The following SLC16A8 variants were observed in gnomAD, a reference collection of about 807,000 sequenced individuals.
SLC16A8 encodes the protein monocarboxylate transporter 3.
A neutral mutation model predicts 22.4 loss-of-function variants in SLC16A8; 20 were observed. The observed-to-expected ratio is 0.89, with a 90% CI of 0.63 to 1.30. SLC16A8 has a LOEUF of 1.30. Ranked by LOEUF, SLC16A8 falls within the 50% of genes most tolerant of loss-of-function variation. The pLI is 0.00. For synonymous variants in SLC16A8, 393 were observed against 358.8 expected (o/e 1.10, Z -1.08); for missense variants, 817 against 740.3 (o/e 1.10, Z -1.20).
Position 38,083,042 on chromosome 22 carries a change from C to T in SLC16A8, c.-9G>A, listed in dbSNP as rs1019481649. On this transcript the variant is annotated splice_region_variant and 5_prime_UTR_variant, in exon 2 of 6. Transcript: ENST00000681075. ...GGGGAAACGGAGGTAGGACTCTCAC[C>T]CCAAGTCTCCTTCTCCTGCAAAGGG... 5 of 597,274 alleles carry T rather than the reference C, an allele frequency of 8.4e-6. No individual in the cohort carries two copies. The African/African-American group carries it at 9.3e-5, about 11-fold the overall frequency. The allele number at this position is 597,274 out of a possible 1,614,324, so 37.0% of individuals were successfully genotyped here.
At position 38,082,850 on chromosome 22, in the gene SLC16A8, C is replaced by T. The variant is rs1178287529; in HGVS notation, c.24G>A (p.Arg8=). Residue 8 remains arginine, a synonymous_variant, in exon 3 of 6, where the codon CGG becomes CGA. Coordinates refer to ENST00000681075, the MANE Select transcript of SLC16A8 (RefSeq NM_013356.3). ...AGCCGCCGTCTGGGGGGCCCTCGCCCCGCCGGGGGCCGCCAGCGCCCATCG... is the reference window on the plus strand; with the variant it reads ...AGCCGCCGTCTGGGGGGCCCTCGCCTCGCCGGGGGCCGCCAGCGCCCATCG... MGAGGPR[R]GEGPPDGGWG... The T allele has an allele frequency of 6.4e-7, 1 of 1,551,250 alleles. No homozygotes were observed. The highest frequency in any genetic ancestry group is 2.3e-5 in the East Asian group (1 of 42,864).
chr22:38,081,204 G>C lies in SLC16A8; in HGVS notation c.834C>G (p.Ala278=), dbSNP rs985443800. 6.4e-7 allele frequency: 1 copy of C among 1,567,782 alleles called. No homozygotes were observed. Among genetic ancestry groups the C allele is most frequent in the Non-Finnish European group, 8.6e-7 (1 of 1,157,090 alleles). ...CGGTGTCGGGCACGCCCGCGTCCTT[G>C]GCGTAGTTCACCAGCAGGATGGCGG... is the stretch of plus-strand genomic sequence containing the variant. ...FVPAILLVNY[A]KDAGVPDTDA... is the part of the protein sequence containing the mutation. The change falls in exon 5 of 6, where the codon GCC becomes GCG. Residue 278 remains alanine, a synonymous_variant. Coordinates refer to ENST00000681075, the MANE Select transcript of SLC16A8 (RefSeq NM_013356.3).
rs141642308 is a variant in SLC16A8 at position 38,083,051 on chromosome 22, CCTT to C, written c.-21_-19del. ...GAGGTAGGACTCTCACCCCAAGTCT[CCTT>C]CTCCTGCAAAGGGCGCTGAAGGACG... On this transcript the variant is annotated 5_prime_UTR_variant, in exon 2 of 6. Transcript: ENST00000681075. 824 of 593,560 alleles carry C rather than the reference CCTT, an allele frequency of 1.4e-3. 16 individuals carry two copies. In the East Asian group the frequency reaches 0.02, roughly 15 times the overall value. 36.8% of individuals were successfully genotyped at this position (593,560 alleles called of 1,614,324 possible). A position where few individuals can be genotyped will look rare whatever the true frequency, so the allele number is the denominator to read the frequency against.
rs1344985150 is a variant in SLC16A8, at chr22:38,078,285, C to CAGT, written c.*102_*103insACT. 2.6e-4 allele frequency: 300 copies of CAGT among 1,157,444 alleles called. No individual in the cohort carries two copies. In the Middle Eastern group the frequency reaches 3.6e-3, roughly 14 times the overall value. The allele number at this position is 1,157,444 out of a possible 1,614,324, so 71.7% of individuals were successfully genotyped here. ...ATCAACTGGAGCCCAGACGTGGACC[C>CAGT]CGGGAGTGACCACCCCAGACCAGCC... On this transcript the variant is annotated 3_prime_UTR_variant, in exon 6 of 6. Coordinates refer to ENST00000681075, the MANE Select transcript of SLC16A8 (RefSeq NM_013356.3).
chr22:38,078,741 C>T (rs540924144), intron 5 of SLC16A8, 37 bp from the exon 6 acceptor site: 15 of 1,564,456 alleles, frequency 9.6e-6, no homozygotes, highest in Non-Finnish European at 1.3e-5. Flanking sequence ...GAGGTAAGGT[C>T]CTGTGGGGTC....
At position 38,081,165 on chromosome 22, in the gene SLC16A8, C is replaced by A. The variant is rs6000992; in HGVS notation, c.873G>T (p.Leu291=). Reference sequence around the variant, plus strand: ...TGTCCACGAAGCCCACGATGGACAGCAGGAAGGCGGCGTCGGTGTCGGGCA... The same window carrying A: ...TGTCCACGAAGCCCACGATGGACAGAAGGAAGGCGGCGTCGGTGTCGGGCA... ...AGVPDTDAAF[L]LSIVGFVDIV... The change falls in exon 5 of 6, where the codon CTG becomes CTT. Residue 291 remains leucine, a synonymous_variant. Transcript: ENST00000681075. 95 of 1,552,302 alleles carry A rather than the reference C, an allele frequency of 6.1e-5. No individual in the cohort carries two copies. The African/African-American group carries it at 1.2e-3, about 20-fold the overall frequency.
chr22:38,078,410 C>A lies in SLC16A8; in HGVS notation c.1493G>T (p.Arg498Met). The A allele has an allele frequency of 6.2e-7, 1 of 1,603,364 alleles. No individual in the cohort carries two copies. ...PTEPEIEARP[R>M]LAAESV is the part of the protein sequence containing the mutation. ...GAGTTATACAGACTCGGCAGCCAGCCTCGGCCTCGCCTCTATTTCTGGTTC... is the reference window on the plus strand; with the variant it reads ...GAGTTATACAGACTCGGCAGCCAGCATCGGCCTCGCCTCTATTTCTGGTTC... The change falls in exon 6 of 6, where the codon AGG becomes ATG. Residue 498 changes from arginine (R) to methionine (M), a missense_variant. Arg to Met is a moderately conservative substitution (Grantham distance 91). Transcript: ENST00000681075.
chr22:38,081,110 C>G lies in SLC16A8; in HGVS notation c.928G>C (p.Ala310Pro). 6.5e-7 allele frequency: 1 copy of G among 1,548,976 alleles called. No individual in the cohort carries two copies. The highest frequency in any genetic ancestry group is 8.7e-7 in the Non-Finnish European group (1 of 1,148,934). The change falls in exon 5 of 6, where the codon GCG becomes CCG. Residue 310 changes from alanine to proline, a missense_variant. Transcript: ENST00000681075. ...IVARPACGAL[A>P]GLARLRPHVP... Reference sequence around the variant, plus strand: ...TGCGGCCGCAGACGCGCCAGGCCCGCCAGGGCGCCGCACGCCGGGCGCGCC... The same window carrying G: ...TGCGGCCGCAGACGCGCCAGGCCCGGCAGGGCGCCGCACGCCGGGCGCGCC...
chr22:38,080,403 T>C (rs1005767827), intron 5 of SLC16A8, among the ~76,000 whole-genome samples: 1 of 152,028 alleles, frequency 6.6e-6, no homozygotes, highest in African/African-American at 2.4e-5. Flanking sequence ...CCAACACCAG[T>C]TTCCCAAAGA....
Position 38,081,399 on chromosome 22 carries a change from G to GGCGCGGTCGCCGGCGCTGTCCCT in SLC16A8, c.616_638dup (p.Asp215ThrfsTer56). ...CCTCCGCCTCGCCCGGAGCGTCCCC[G>GGCGCGGTCGCCGGCGCTGTCCCT]GCGCGGTCGCCGGCGCTGTCCCTGC... On this transcript the variant is annotated frameshift_variant, in exon 5 of 6. Transcript: ENST00000681075. LOFTEE classifies it high-confidence loss of function. The GGCGCGGTCGCCGGCGCTGTCCCT allele has an allele frequency of 1.5e-6, 2 of 1,365,468 alleles. No individual in the cohort carries two copies. The highest frequency in any genetic ancestry group is 1.9e-6 in the Non-Finnish European group (2 of 1,064,772). 84.6% of individuals were successfully genotyped at this position (1,365,468 alleles called of 1,614,324 possible).
At chr22:38,082,070 TG>T in intron 3 of SLC16A8, 38 bp from the exon 4 acceptor site, 1 of 1,545,882 alleles carries the variant, frequency 6.5e-7, no homozygotes. Context: ...GGTCCCGGGA[TG>T]GCTTGAGTCC....
intron 5 of SLC16A8, 101 bp downstream of exon 5, chr22:38,080,739 C>CT: frequency 1.4e-6 from 2 of 1,412,926 alleles, no homozygotes; most frequent in Non-Finnish European, 1.8e-6. Flanking sequence ...CCGACTGCCC[C>CT]TTCCCCTCAT....
Position 38,078,179 on chromosome 22 carries a change from TAGC to T in SLC16A8, c.*206_*208del, listed in dbSNP as rs2085872751. The T allele has an allele frequency of 3.6e-6, 2 of 562,954 alleles. No individual in the cohort carries two copies. 34.9% of individuals were successfully genotyped at this position (562,954 alleles called of 1,614,324 possible). On this transcript the variant is annotated 3_prime_UTR_variant, in exon 6 of 6. Coordinates refer to ENST00000681075, the MANE Select transcript of SLC16A8 (RefSeq NM_013356.3). Reference sequence around the variant, plus strand: ...TTATCACCAGTTTCCTGTTGCTCCATAGCAGCTTCACTGGCGATGGGGCAGGGC... The same window carrying T: ...TTATCACCAGTTTCCTGTTGCTCCATAGCTTCACTGGCGATGGGGCAGGGC...
At chr22:38,082,610 C>A in intron 3 of SLC16A8, 50 bp downstream of exon 3, 1 of 1,464,808 alleles carries the variant, frequency 6.8e-7, no homozygotes, top group Admixed American at 2.2e-5. Context: ...TCTCCTGGTT[C>A]CGGATCCCAG....
At chr22:38,083,706 C>T (rs1438403634) in intron 1 of SLC16A8, among the ~76,000 whole-genome samples, 2 of 152,166 alleles carry the variant, frequency 1.3e-5, no homozygotes, top group African/African-American at 4.8e-5. Flanking sequence ...CCACCCGGGG[C>T]CCTCACAGCA....
chr22:38,079,849 G>A (rs922557508), intron 5 of SLC16A8, among the ~76,000 whole-genome samples: 4 of 152,242 alleles, frequency 2.6e-5, no homozygotes, highest in Admixed American at 2.6e-4. Context: ...AGAAATGGAA[G>A]ACGGTTCCTT....
chr22:38,078,842 C>A, intron 5 of SLC16A8, 138 bp from the exon 6 acceptor site: 1 of 690,592 alleles, frequency 1.4e-6, no homozygotes. Flanking sequence ...ACTCTTTATT[C>A]CTGTTTTACA....
In SLC16A8 at chr22:38,084,123, C is replaced by T. The variant is rs976735327; in HGVS notation, c.-464G>A. The T allele has an allele frequency of 6.6e-6, 1 of 152,500 alleles. No homozygotes were observed. Among genetic ancestry groups the T allele is most frequent in the Non-Finnish European group, 1.5e-5 (1 of 68,286 alleles). The allele number at this position is 152,500 out of a possible 1,614,324, so 9.4% of individuals were successfully genotyped here. On this transcript the variant is annotated 5_prime_UTR_variant, in exon 1 of 6. Transcript: ENST00000681075. The stretch of plus-strand genomic sequence containing the variant: ...CACCCCAGCTTCCCACCAGCCTGGG[C>T]TGAGCCTCTGGCCGACTCCCGCCTG...
At chr22:38,080,043 G>C (rs2085893570) in intron 5 of SLC16A8, among the ~76,000 whole-genome samples, 1 of 152,188 alleles carries the variant, frequency 6.6e-6, no homozygotes, top group African/African-American at 2.4e-5. Flanking sequence ...TGTCCTCCCT[G>C]GTTACTGCAC....
Sources: allele counts gnomAD v4.1 joint callset (sites outside exome capture counted in the v4.1 genomes callset), GRCh38; gene constraint gnomAD v4.1.1; transcripts MANE v1.5; gene names NCBI Gene and HGNC (gene_info 2026-07-23, HGNC 2026-07-21).